The following LGR6 variants were observed in gnomAD, a reference collection of about 807,000 sequenced individuals.
The protein encoded by LGR6 is leucine rich repeat containing G protein-coupled receptor 6.
In LGR6, 45 loss-of-function variants were observed where a neutral mutation model predicts 69.4. The ratio of observed to expected loss-of-function variants is 0.65; its 90% CI spans 0.51 to 0.83. The LOEUF (loss-of-function observed/expected upper bound fraction) is 0.83, where lower values mean the gene tolerates loss of function less well. Among genes scored for constraint, LGR6 ranks in the 40% least tolerant of loss-of-function variants. The pLI is 0.00. For missense variants in LGR6, 1,108 were observed against 1,246.7 expected (o/e 0.89, Z 1.68); for synonymous variants, 538 against 555.0 (o/e 0.97, Z 0.43).
intron 4 of LGR6, among the ~76,000 whole-genome samples, chr1:202,253,279 G>A (rs1055566135): frequency 3.3e-5 from 5 of 152,048 alleles, no homozygotes; most frequent in African/African-American, 1.2e-4. Context: ...TACATCCTGA[G>A]TGCATGATAA....
At chr1:202,205,986 A>C (rs944312707) in intron 1 of LGR6, among the ~76,000 whole-genome samples, 9 of 149,852 alleles carry the variant, frequency 6.0e-5, no homozygotes, top group Non-Finnish European at 1.2e-4. Flanking sequence ...ACACACACAC[A>C]CACCCCTAGT....
chr1:202,220,343 C>T (rs1016039821), intron 1 of LGR6, among the ~76,000 whole-genome samples: 2 of 152,026 alleles, frequency 1.3e-5, no homozygotes, highest in South Asian at 2.1e-4. Context: ...CTCAGCCTCT[C>T]AAGTAACTGG....
intron 1 of LGR6, among the ~76,000 whole-genome samples, chr1:202,204,506 A>AC (rs1553238140): frequency 4.5e-5 from 3 of 66,784 alleles, no homozygotes; most frequent in Non-Finnish European, 5.4e-5. Context: ...CACACCTCCA[A>AC]ACACACACAC....
chr1:202,272,736 G>A (rs1420865682), intron 4 of LGR6, among the ~76,000 whole-genome samples: 1 of 152,260 alleles, frequency 6.6e-6, no homozygotes, highest in Non-Finnish European at 1.5e-5. Flanking sequence ...TAGGTTACAT[G>A]TGTGAGCGTG....
At position 202,318,365 on chromosome 1, in the gene LGR6, G is replaced by A. The variant is rs2148328197; in HGVS notation, c.2062G>A (p.Ala688Thr). 2 of 1,602,204 alleles carry A rather than the reference G, an allele frequency of 1.2e-6. No homozygotes were observed. Among genetic ancestry groups the A allele is most frequent in the Non-Finnish European group, 1.7e-6 (2 of 1,174,068 alleles). Residue 688 changes from alanine (A) to threonine (T), a missense_variant, in exon 18 of 18, where the codon GCA becomes ACA. Coordinates refer to ENST00000367278, the MANE Select transcript of LGR6 (RefSeq NM_001017403.2). ...GTCCCCCTCCCTGGGCAGCGTTCGA[G>A]CAGGGGTCCTAGGCTGCCTGGCACT... The part of the protein sequence containing the change: ...GKSPSLGSVR[A>T]GVLGCLALAG...
At chr1:202,304,410 C>T (rs1667826486) in intron 10 of LGR6, 149 bp from the exon 11 acceptor site, 5 of 484,366 alleles carry the variant, frequency 1.0e-5, no homozygotes, top group Non-Finnish European at 1.8e-5. Flanking sequence ...GTCCCCACAG[C>T]CCCACCCCCT....
chr1:202,256,532 C>T (rs867978691), intron 4 of LGR6, among the ~76,000 whole-genome samples: 12 of 152,202 alleles, frequency 7.9e-5, no homozygotes, highest in African/African-American at 2.4e-4. Flanking sequence ...CGTGAGCCAC[C>T]GCGCCTGACC....
intron 8 of LGR6, 96 bp from the exon 9 acceptor site, chr1:202,301,068 G>A: frequency 7.3e-7 from 1 of 1,371,360 alleles, no homozygotes; most frequent in Non-Finnish European, 1.0e-6. Flanking sequence ...TTCTTTCCTG[G>A]GTCTACATTG....
intron 1 of LGR6, chr1:202,213,985 C>G (rs1659580163): frequency 1.1e-6 from 1 of 928,382 alleles, no homozygotes. Flanking sequence ...TCTAGTCTTT[C>G]TATAGCTCTG....
chr1:202,197,757 G>A (rs1218304401), intron 1 of LGR6, among the ~76,000 whole-genome samples: 1 of 152,186 alleles, frequency 6.6e-6, no homozygotes, highest in Non-Finnish European at 1.5e-5. Context: ...TCCATTGCAT[G>A]TGCACATGAT....
In LGR6 at chr1:202,232,352, A is replaced by G. The variant is rs1310969313; in HGVS notation, c.357-3570A>G. 3.3e-5 allele frequency among the ~76,000 whole-genome samples: 5 copies of G among 152,118 alleles called. No homozygotes were observed. The East Asian group carries it at 9.6e-4, about 29-fold the overall frequency. On this transcript the variant is annotated intron_variant, in intron 3 of 17. Transcript: ENST00000367278. Reference sequence around the variant, plus strand: ...CCCAAATGCCTCTCTGGCCAGAGAGATGCTTCACATGTGTGAGGGGAGGAG... The same window carrying G: ...CCCAAATGCCTCTCTGGCCAGAGAGGTGCTTCACATGTGTGAGGGGAGGAG...
intron 4 of LGR6, among the ~76,000 whole-genome samples, chr1:202,242,492 T>G (rs1295585315): frequency 6.6e-6 from 1 of 152,216 alleles, no homozygotes; most frequent in African/African-American, 2.4e-5. Context: ...GGCAGACAGA[T>G]GTCCCGAGTG....
intron 1 of LGR6, chr1:202,203,970 G>A: frequency 2.4e-6 from 2 of 849,660 alleles, no homozygotes; most frequent in South Asian, 2.7e-5. Context: ...GTAGTATTAT[G>A]TTCACTATGT....
At chr1:202,309,253 C>T (rs1267085728) in intron 15 of LGR6, 77 bp downstream of exon 15, 3 of 1,558,680 alleles carry the variant, frequency 1.9e-6, no homozygotes, top group African/African-American at 2.7e-5. Context: ...GCCAGATGGC[C>T]CCACCCTGAG....
intron 9 of LGR6, among the ~76,000 whole-genome samples, chr1:202,302,434 C>T (rs1242150080): frequency 7.2e-5 from 11 of 152,116 alleles, no homozygotes; most frequent in South Asian, 2.1e-4. Flanking sequence ...CAATTTTCTG[C>T]GCTGCTGTTG....
intron 4 of LGR6, among the ~76,000 whole-genome samples, chr1:202,264,447 C>T (rs892289896): frequency 5.9e-5 from 9 of 152,224 alleles, no homozygotes; most frequent in Non-Finnish European, 4.4e-5. Flanking sequence ...CTTCCTCTAC[C>T]AACCACAGCC....
intron 4 of LGR6, among the ~76,000 whole-genome samples, chr1:202,262,933 G>T (rs2148112141): frequency 7.6e-6 from 1 of 132,084 alleles, no homozygotes; most frequent in African/African-American, 2.8e-5. Flanking sequence ...TTTGAAACTT[G>T]CCTTTTATTT....
chr1:202,245,522 G>A (rs923025751), intron 4 of LGR6, among the ~76,000 whole-genome samples: 1 of 152,156 alleles, frequency 6.6e-6, no homozygotes, highest in African/African-American at 2.4e-5. Flanking sequence ...GGGCTCCTCA[G>A]CCTTCCTGCT....
At chr1:202,244,037 A>G (rs1228159435) in intron 4 of LGR6, among the ~76,000 whole-genome samples, 1 of 151,916 alleles carries the variant, frequency 6.6e-6, no homozygotes, top group Admixed American at 6.6e-5. Context: ...GCTCATTGCA[A>G]CCTTCCACCT....
Sources: allele counts gnomAD v4.1 joint callset (sites outside exome capture counted in the v4.1 genomes callset), GRCh38; gene constraint gnomAD v4.1.1; transcripts MANE v1.5; gene names NCBI Gene and HGNC (gene_info 2026-07-23, HGNC 2026-07-21).